DMRT1: variants seen among roughly 807,000 people sequenced by gnomAD.
DMRT1 encodes doublesex- and mab-3-related transcription factor 1.
Under a neutral mutation model 32.3 loss-of-function variants are expected in DMRT1, and 7 were observed. The ratio of observed to expected loss-of-function variants is 0.22; its 90% CI spans 0.12 to 0.41. The LOEUF (loss-of-function observed/expected upper bound fraction) is 0.41, where lower values mean the gene tolerates loss of function less well. Among genes scored for constraint, DMRT1 ranks in the 10% least tolerant of loss-of-function variants. The pLI, the probability that DMRT1 is intolerant of heterozygous loss-of-function variation, is 1.00. For synonymous variants in DMRT1, 278 were observed against 206.1 expected (o/e 1.35, Z -2.99); for missense variants, 625 against 500.5 (o/e 1.25, Z -2.37).
chr9:867,052 C>A (rs540048478), intron 2 of DMRT1, among the ~76,000 whole-genome samples: 2 of 151,836 alleles, frequency 1.3e-5, no homozygotes, highest in South Asian at 4.2e-4. Flanking sequence ...TGATGTATGA[C>A]TTGGAGAGAA....
chr9:871,402 G>A lies in DMRT1; in HGVS notation c.539-22510G>A, dbSNP rs185920995. On this transcript the variant is annotated intron_variant, in intron 2 of 4. Transcript: ENST00000382276. ...GGCTGGAGTGCAGTGGCACAATCTCGGCTCACTGCAAGCTCCGCGTCCCGG... is the reference window on the plus strand; with the variant it reads ...GGCTGGAGTGCAGTGGCACAATCTCAGCTCACTGCAAGCTCCGCGTCCCGG... Among the ~76,000 whole-genome samples, 206 of 150,190 alleles carry A rather than the reference G, an allele frequency of 1.4e-3. 1 individual carries two copies. The highest frequency in any genetic ancestry group is 4.5e-3 in the African/African-American group (185 of 40,718).
At chr9:949,774 G>C (rs1232449821) in intron 4 of DMRT1, among the ~76,000 whole-genome samples, 1 of 152,108 alleles carries the variant, frequency 6.6e-6, no homozygotes, top group Non-Finnish European at 1.5e-5. Context: ...TGTGGGTTTG[G>C]CTATTTTAGA....
At chr9:865,023 A>G (rs1589468410) in intron 2 of DMRT1, among the ~76,000 whole-genome samples, 1 of 152,180 alleles carries the variant, frequency 6.6e-6, no homozygotes, top group Admixed American at 6.5e-5. Context: ...TATTCTTACC[A>G]GTGTGGTCAG....
At chr9:857,132 C>T (rs985312804) in intron 2 of DMRT1, among the ~76,000 whole-genome samples, 4 of 152,010 alleles carry the variant, frequency 2.6e-5, no homozygotes, top group African/African-American at 4.8e-5. Context: ...CATGGTGAAA[C>T]CCCGTCTCTA....
chr9:843,216 C>T (rs1838764510), intron 1 of DMRT1, among the ~76,000 whole-genome samples: 1 of 152,188 alleles, frequency 6.6e-6, no homozygotes, highest in Non-Finnish European at 1.5e-5. Context: ...GAAAGGGAGG[C>T]TCGGCCGGCT....
chr9:917,442 C>G (rs201536855), intron 4 of DMRT1, among the ~76,000 whole-genome samples: 69 of 152,306 alleles, frequency 4.5e-4, no homozygotes, highest in East Asian at 3.1e-3. Flanking sequence ...AATCAAAGCA[C>G]TTTGAAATAC....
chr9:953,384 G>A (rs1819492746), intron 4 of DMRT1, among the ~76,000 whole-genome samples: 1 of 152,158 alleles, frequency 6.6e-6, no homozygotes, highest in Admixed American at 6.5e-5. Context: ...CAGAGTTTAA[G>A]GGTAGATTCG....
intron 2 of DMRT1, among the ~76,000 whole-genome samples, chr9:886,938 T>C (rs911380014): frequency 2.0e-5 from 3 of 152,228 alleles, no homozygotes; most frequent in African/African-American, 4.8e-5. Flanking sequence ...ATATTCCTTC[T>C]GAAGCTGCTT....
intron 2 of DMRT1, among the ~76,000 whole-genome samples, chr9:860,244 C>G (rs1180561242): frequency 6.6e-6 from 1 of 152,086 alleles, no homozygotes; most frequent in African/African-American, 2.4e-5. Flanking sequence ...TTGCAGGGAG[C>G]CGAGATCGTG....
intron 4 of DMRT1, among the ~76,000 whole-genome samples, chr9:940,819 C>G (rs1370171199): frequency 2.0e-5 from 3 of 152,140 alleles, no homozygotes; most frequent in Non-Finnish European, 4.4e-5. Flanking sequence ...ATCCAAAATA[C>G]ACAGAGATCT....
At chr9:906,031 C>CACA (rs755850220) in intron 3 of DMRT1, among the ~76,000 whole-genome samples, 160 of 19,332 alleles carry the variant, frequency 8.3e-3, no homozygotes, top group Middle Eastern at 0.12. Flanking sequence ...ACACACACAC[C>CACA]CACACACACA....
At chr9:849,447 G>T (rs902427495) in intron 2 of DMRT1, among the ~76,000 whole-genome samples, 3 of 152,214 alleles carry the variant, frequency 2.0e-5, no homozygotes, top group East Asian at 1.9e-4. Context: ...TGACGGATCA[G>T]TGTCAATGCT....
rs71327361 is a variant in DMRT1, at chr9:924,088, T to TTTC, written c.967+7181_967+7182insTTC. Among the ~76,000 whole-genome samples, 37 of 144,296 alleles carry TTTC rather than the reference T, an allele frequency of 2.6e-4. 2 individuals carry two copies. The highest frequency in any genetic ancestry group is 2.8e-4 in the Admixed American group (4 of 14,392). The allele number at this position is 144,296 out of a possible 152,430, so 94.7% of individuals were successfully genotyped here. On this transcript the variant is annotated intron_variant, in intron 4 of 4. Transcript: ENST00000382276. ...TCAATCTCTTTTTTTTTTTTTTTTT[T>TTTC]CCACCTGGAGTCTCTCTCTGTCTCC...
chr9:917,836 G>A (rs1818232080), intron 4 of DMRT1, among the ~76,000 whole-genome samples: 1 of 152,162 alleles, frequency 6.6e-6, no homozygotes, highest in South Asian at 2.1e-4. Flanking sequence ...ATAAAATAAA[G>A]GACTTCTATT....
intron 2 of DMRT1, among the ~76,000 whole-genome samples, chr9:871,245 C>G (rs955191796): frequency 2.6e-5 from 4 of 151,250 alleles, no homozygotes; most frequent in Admixed American, 2.6e-4. Flanking sequence ...CCAGGCTAGT[C>G]TTGAATTATT....
intron 2 of DMRT1, among the ~76,000 whole-genome samples, chr9:880,958 G>A (rs1816712642): frequency 6.6e-6 from 1 of 152,138 alleles, no homozygotes; most frequent in Non-Finnish European, 1.5e-5. Flanking sequence ...CAGCTGCTGC[G>A]ATAAGATGTA....
intron 2 of DMRT1, among the ~76,000 whole-genome samples, chr9:849,810 A>G (rs571859325): frequency 7.9e-5 from 10 of 126,822 alleles, no homozygotes; most frequent in Non-Finnish European, 1.7e-4. Context: ...TCTGAGGACG[A>G]TGGGCTCTCT....
chr9:925,924 A>G (rs1012161060), intron 4 of DMRT1, among the ~76,000 whole-genome samples: 1 of 152,148 alleles, frequency 6.6e-6, no homozygotes, highest in Non-Finnish European at 1.5e-5. Context: ...TAGCACCCTC[A>G]TGTTTTAAGT....
chr9:880,928 G>C (rs988731934), intron 2 of DMRT1, among the ~76,000 whole-genome samples: 3 of 152,060 alleles, frequency 2.0e-5, no homozygotes, highest in Non-Finnish European at 4.4e-5. Context: ...TGTAGGCGAG[G>C]ACCTCCAACC....
Sources: gnomAD v4.1 joint callset for allele counts (sites outside exome capture counted in the v4.1 genomes callset) on GRCh38, gnomAD v4.1.1 for gene constraint, MANE v1.5 for transcripts, NCBI Gene and HGNC (gene_info 2026-07-23, HGNC 2026-07-21) for gene names.